Variants in FDFT1 observed in about 807,000 individuals in gnomAD.
FDFT1 encodes the protein farnesyl-diphosphate farnesyltransferase 1.
Under a neutral mutation model 46.8 loss-of-function variants are expected in FDFT1, and 68 were observed. That is an observed-to-expected ratio of 1.45 (90% CI 1.19 to 1.78). The LOEUF (loss-of-function observed/expected upper bound fraction) is 1.78. FDFT1 is among the 40% of genes most tolerant of loss of function. The pLI is 0.00. For synonymous variants in FDFT1, 351 were observed against 185.1 expected, an observed-to-expected ratio of 1.90 and a Z score of -7.28; for missense variants, 928 against 524.4, an observed-to-expected ratio of 1.77 and a Z score of -7.52.
At position 11,838,456 on chromosome 8, in the gene FDFT1, G is replaced by C. The variant is rs773358775; in HGVS notation, c.1101G>C (p.Arg367=). 3.7e-6 allele frequency: 6 copies of C among 1,608,090 alleles called. No individual in the cohort carries two copies. The highest frequency in any genetic ancestry group is 3.4e-6 in the Non-Finnish European group (4 of 1,176,658). Reference sequence around the variant, plus strand: ...CAAGGCAGATCATCTCCACCATCCGGACGCAGAATCTTCCCAACTGTCAGC... The same window carrying C: ...CAAGGCAGATCATCTCCACCATCCGCACGCAGAATCTTCCCAACTGTCAGC... The part of the protein sequence containing the change: ...SKTRQIISTI[R]TQNLPNCQLI... Residue 367 remains arginine (R), a synonymous_variant, in exon 8 of 8, where the codon CGG becomes CGC. Transcript: ENST00000220584.
intron 7 of FDFT1, among the ~76,000 whole-genome samples, chr8:11,835,075 G>A (rs1811355273): frequency 6.6e-6 from 1 of 152,208 alleles, no homozygotes; most frequent in African/African-American, 2.4e-5. Flanking sequence ...AGTGAGCTGA[G>A]ATGGCACCAC....
At chr8:11,824,147 A>C (rs972934209) in intron 4 of FDFT1, among the ~76,000 whole-genome samples, 7 of 152,126 alleles carry the variant, frequency 4.6e-5, no homozygotes, top group African/African-American at 1.4e-4. Context: ...ACAGGCGTGA[A>C]CTTCGGTCAT....
chr8:11,824,469 G>A (rs1159321344), intron 4 of FDFT1, among the ~76,000 whole-genome samples: 1 of 152,182 alleles, frequency 6.6e-6, no homozygotes, highest in Non-Finnish European at 1.5e-5. Context: ...ATACTACCTA[G>A]TTTTGAACTC....
At chr8:11,824,961 T>A (rs569479416) in intron 4 of FDFT1, among the ~76,000 whole-genome samples, 22 of 152,214 alleles carry the variant, frequency 1.4e-4, no homozygotes, top group African/African-American at 4.6e-4. Flanking sequence ...GGTCTTGATC[T>A]CCTGATCTCG....
intron 6 of FDFT1, 64 bp downstream of exon 6, chr8:11,830,484 G>A (rs1810627746): frequency 8.5e-7 from 1 of 1,181,592 alleles, no homozygotes; most frequent in Non-Finnish European, 1.3e-6. Flanking sequence ...AGTAAGGGTG[G>A]ATTTTGCTGT....
chr8:11,808,759 C>G, intron 1 of FDFT1, 35 bp from the exon 2 acceptor site: 3 of 1,608,352 alleles, frequency 1.9e-6, no homozygotes, highest in Non-Finnish European at 2.5e-6. Context: ...TGCTCCTCGA[C>G]GTCTCCCACC....
intron 1 of FDFT1, among the ~76,000 whole-genome samples, chr8:11,796,351 A>AG (rs1805568418): frequency 6.6e-6 from 1 of 152,164 alleles, no homozygotes; most frequent in Non-Finnish European, 1.5e-5. Flanking sequence ...CTTGTGCTTG[A>AG]GGGGGCCACT....
intron 1 of FDFT1, among the ~76,000 whole-genome samples, chr8:11,806,475 C>T (rs958926615): frequency 6.6e-6 from 1 of 152,034 alleles, no homozygotes; most frequent in African/African-American, 2.4e-5. Flanking sequence ...AGCAGGGGTA[C>T]GAGCTGGAGG....
upstream of FDFT1, among the ~76,000 whole-genome samples, chr8:11,799,234 G>A (rs55658394): frequency 0.054 from 8,164 of 152,272 alleles, 310 homozygotes; most frequent in Middle Eastern, 0.082. Flanking sequence ...CACGGTCGGC[G>A]GTCTTATCAG....
chr8:11,802,971 G>A, intron 1 of FDFT1, 40 bp downstream of exon 1: 1 of 1,562,870 alleles, frequency 6.4e-7, no homozygotes, highest in Admixed American at 1.9e-5. Flanking sequence ...CGGGGAAGGA[G>A]CTCGCTGGGC....
At chr8:11,809,325 T>C (rs76865359) in intron 2 of FDFT1, 24 of 1,093,642 alleles carry the variant, frequency 2.2e-5, no homozygotes, top group Non-Finnish European at 2.6e-5. Context: ...GAAGTTACTG[T>C]GTTTTTTGAC....
At chr8:11,838,139 C>T (rs922270122) in intron 7 of FDFT1, among the ~76,000 whole-genome samples, 33 of 152,136 alleles carry the variant, frequency 2.2e-4, no homozygotes, top group African/African-American at 2.4e-5. Flanking sequence ...CTCTCGAGGG[C>T]CTCTGGGTGC....
Position 11,839,007 on chromosome 8 carries a change from C to T in FDFT1, c.*398C>T, listed in dbSNP as rs537139896. The T allele has an allele frequency of 7.6e-4, 135 of 176,918 alleles. 1 individual carries two copies. Among genetic ancestry groups the T allele is most frequent in the African/African-American group, 2.7e-3 (113 of 41,786 alleles). 11.0% of individuals were successfully genotyped at this position (176,918 alleles called of 1,614,324 possible). A position where few individuals can be genotyped will look rare whatever the true frequency, so the allele number is the denominator to read the frequency against. On this transcript the variant is annotated 3_prime_UTR_variant, in exon 8 of 8. Transcript: ENST00000220584. ...AATAGTAGAAAATGATGTGAATTTT[C>T]TTTCTGTTCGGCTCCTATTTTTCTC...
intron 7 of FDFT1, among the ~76,000 whole-genome samples, chr8:11,832,304 C>G (rs2130882925): frequency 6.6e-6 from 1 of 151,924 alleles, no homozygotes; most frequent in South Asian, 2.1e-4. Flanking sequence ...CCTGAAATCC[C>G]AGCACTTTGG....
intron 5 of FDFT1, among the ~76,000 whole-genome samples, chr8:11,829,402 T>C (rs1810464326): frequency 6.6e-6 from 1 of 152,214 alleles, no homozygotes; most frequent in Non-Finnish European, 1.5e-5. Context: ...TATTTCACTT[T>C]CAAGTTATCA....
intron 7 of FDFT1, among the ~76,000 whole-genome samples, chr8:11,833,576 T>G (rs1288409091): frequency 7.9e-5 from 12 of 152,240 alleles, no homozygotes; most frequent in African/African-American, 2.9e-4. Flanking sequence ...TCCTTAACTA[T>G]TGGGATTAAA....
chr8:11,809,964 C>T (rs763988924), intron 3 of FDFT1, 114 bp downstream of exon 3: 2 of 800,048 alleles, frequency 2.5e-6, no homozygotes, highest in Non-Finnish European at 3.8e-6. Context: ...CTGAGGGCAG[C>T]ATAATGTGAG....
chr8:11,806,441 CAAAT>C (rs1806844749), intron 1 of FDFT1, among the ~76,000 whole-genome samples: 1 of 152,048 alleles, frequency 6.6e-6, no homozygotes, highest in Admixed American at 6.6e-5. Context: ...GGGACTGAAA[CAAAT>C]AGGTGACAGG....
intron 1 of FDFT1, 83 bp from the exon 2 acceptor site, chr8:11,808,711 C>G (rs1807249171): frequency 2.2e-4 from 1 of 4,500 alleles, no homozygotes; most frequent in African/African-American, 1.5e-3. Context: ...CTGCCCCAGT[C>G]CCACTCCCAC....
Sources: allele counts gnomAD v4.1 joint callset (sites outside exome capture counted in the v4.1 genomes callset), GRCh38; gene constraint gnomAD v4.1.1; transcripts MANE v1.5; gene names NCBI Gene and HGNC (gene_info 2026-07-23, HGNC 2026-07-21).